The following NEDD4 variants were observed in gnomAD, a reference collection of about 807,000 sequenced individuals.
NEDD4 encodes E3 ubiquitin-protein ligase NEDD4.
Under a neutral mutation model 144.9 loss-of-function variants are expected in NEDD4, and 99 were observed. The observed-to-expected ratio is 0.68, with a 90% CI of 0.58 to 0.81. NEDD4 has a LOEUF of 0.81. Among genes scored for constraint, NEDD4 ranks in the 30% least tolerant of loss-of-function variants. NEDD4 has a pLI of 0.00. For missense variants in NEDD4, 985 were observed against 1,065.9 expected (o/e 0.92, Z 1.06); for synonymous variants, 318 against 350.6 (o/e 0.91, Z 1.04).
intron 4 of NEDD4, among the ~76,000 whole-genome samples, chr15:55,930,723 C>G (rs1442530617): frequency 2.0e-5 from 3 of 152,144 alleles, no homozygotes; most frequent in African/African-American, 7.2e-5. Context: ...TTCCCCCATA[C>G]TGTTCTCCTG....
At chr15:55,937,875 C>T (rs1217166259) in intron 4 of NEDD4, among the ~76,000 whole-genome samples, 1 of 152,134 alleles carries the variant, frequency 6.6e-6, no homozygotes, top group Non-Finnish European at 1.5e-5. Context: ...GAAAGAAGAA[C>T]AAAGCTAGAG....
chr15:55,908,363 C>G (rs749606856), intron 5 of NEDD4, among the ~76,000 whole-genome samples: 73 of 152,274 alleles, frequency 4.8e-4, no homozygotes, highest in Non-Finnish European at 8.4e-4. Context: ...ATATCTCCAT[C>G]TTTAACTTTT....
At chr15:55,977,335 T>C (rs1379053292) in intron 1 of NEDD4, among the ~76,000 whole-genome samples, 4 of 152,214 alleles carry the variant, frequency 2.6e-5, no homozygotes, top group African/African-American at 9.6e-5. Context: ...TAAAGGTTTG[T>C]AGACTAGGAA....
chr15:55,934,913 G>A (rs2036856023), intron 4 of NEDD4, among the ~76,000 whole-genome samples: 1 of 110,926 alleles, frequency 9.0e-6, no homozygotes, highest in South Asian at 3.2e-4. Context: ...CTATTGCCCA[G>A]GCTGGAGTGC....
intron 12 of NEDD4, among the ~76,000 whole-genome samples, chr15:55,853,057 A>G (rs946990849): frequency 1.3e-5 from 2 of 152,010 alleles, no homozygotes; most frequent in African/African-American, 4.8e-5. Context: ...GGCCAGAAGA[A>G]TTAAATATTA....
At chr15:55,868,540 T>G (rs1333478832) in intron 8 of NEDD4, among the ~76,000 whole-genome samples, 2 of 152,150 alleles carry the variant, frequency 1.3e-5, no homozygotes, top group African/African-American at 4.8e-5. Flanking sequence ...CTGATAGTTT[T>G]ATAAAGGGCA....
intron 1 of NEDD4, among the ~76,000 whole-genome samples, chr15:55,971,569 CA>C (rs34201594): frequency 0.15 from 22,052 of 149,960 alleles, 1,744 homozygotes; most frequent in East Asian, 0.31. Context: ...AGGCTGCAGT[CA>C]GCAGAGATTG....
intron 5 of NEDD4, among the ~76,000 whole-genome samples, chr15:55,876,422 T>C (rs552668390): frequency 5.3e-5 from 8 of 152,156 alleles, no homozygotes; most frequent in Non-Finnish European, 8.8e-5. Flanking sequence ...AAAAATTGTA[T>C]CGCTATACTA....
At chr15:55,898,728 G>A (rs1389141607) in intron 5 of NEDD4, among the ~76,000 whole-genome samples, 1 of 147,728 alleles carries the variant, frequency 6.8e-6, no homozygotes, top group Non-Finnish European at 1.5e-5. Context: ...TTGGACTCCT[G>A]GGCTCAAGTG....
At chr15:55,949,645 T>C (rs1252093629) in intron 4 of NEDD4, among the ~76,000 whole-genome samples, 3 of 152,184 alleles carry the variant, frequency 2.0e-5, no homozygotes, top group Non-Finnish European at 4.4e-5. Flanking sequence ...GTTCATGTCT[T>C]TTGTAGGGAC....
intron 2 of NEDD4, among the ~76,000 whole-genome samples, chr15:55,954,675 T>C (rs1344854110): frequency 6.6e-6 from 1 of 151,798 alleles, no homozygotes; most frequent in Non-Finnish European, 1.5e-5. Context: ...CAGGCATGCA[T>C]CACCACACCT....
At position 55,993,586 on chromosome 15, in the gene NEDD4, T is replaced by C. The variant is rs2038026111; in HGVS notation, c.-31A>G. 6.3e-7 allele frequency: 1 copy of C among 1,588,946 alleles called. No homozygotes were observed. Among genetic ancestry groups the C allele is most frequent in the African/African-American group, 1.4e-5 (1 of 72,010 alleles). ...AACGCTTCCAGCAAACCGGACGCGC[T>C]CGCCCCCGCCCAGGGCAGGCAACTG... On this transcript the variant is annotated 5_prime_UTR_variant, in exon 1 of 29. Transcript: ENST00000435532.
intron 1 of NEDD4, among the ~76,000 whole-genome samples, chr15:55,978,274 A>G (rs1207503649): frequency 6.6e-6 from 1 of 152,230 alleles, no homozygotes; most frequent in Non-Finnish European, 1.5e-5. Context: ...ATTTCCCAAC[A>G]CAAAAATCAG....
intron 4 of NEDD4, among the ~76,000 whole-genome samples, chr15:55,930,522 A>C (rs1422709206): frequency 6.6e-6 from 1 of 152,202 alleles, no homozygotes; most frequent in Non-Finnish European, 1.5e-5. Flanking sequence ...TGATAATACA[A>C]ACAGAGGGAA....
chr15:55,914,755 A>G (rs548366962), intron 5 of NEDD4, among the ~76,000 whole-genome samples: 8 of 152,090 alleles, frequency 5.3e-5, no homozygotes, highest in African/African-American at 1.9e-4. Context: ...TGTATTTGAG[A>G]TATAGTTTCT....
At chr15:55,943,286 G>C (rs1293111287) in intron 4 of NEDD4, among the ~76,000 whole-genome samples, 4 of 152,208 alleles carry the variant, frequency 2.6e-5, no homozygotes, top group African/African-American at 9.6e-5. Flanking sequence ...TGCTGGAGCT[G>C]AATGTTCATA....
chr15:55,915,827 G>C, intron 5 of NEDD4: 1 of 1,613,728 alleles, frequency 6.2e-7, no homozygotes, highest in Non-Finnish European at 8.5e-7. Context: ...TTACTTCTCC[G>C]GGGGTACAAA....
intron 5 of NEDD4, among the ~76,000 whole-genome samples, chr15:55,893,736 A>AT (rs1566936912): frequency 1.3e-5 from 2 of 150,424 alleles, no homozygotes; most frequent in East Asian, 3.9e-4. Context: ...GCTGAATATA[A>AT]TAAAAACTAT....
chr15:55,945,653 C>G (rs1214107820), intron 4 of NEDD4, among the ~76,000 whole-genome samples: 8 of 152,030 alleles, frequency 5.3e-5, no homozygotes, highest in African/African-American at 1.2e-4. Context: ...TCAGGAAATA[C>G]AGATAACACC....
Sources: allele counts gnomAD v4.1 joint callset (sites outside exome capture counted in the v4.1 genomes callset), GRCh38; gene constraint gnomAD v4.1.1; transcripts MANE v1.5; gene names NCBI Gene and HGNC (gene_info 2026-07-23, HGNC 2026-07-21).